ADGRB3: variants seen among roughly 807,000 people sequenced by gnomAD.
The protein encoded by ADGRB3 is brain-specific angiogenesis inhibitor 3.
In ADGRB3, 37 loss-of-function variants were observed where a neutral mutation model predicts 193.4. The observed-to-expected ratio is 0.19, with a 90% CI of 0.15 to 0.25. The LOEUF (loss-of-function observed/expected upper bound fraction) is 0.25, where lower values mean the gene tolerates loss of function less well. Among genes scored for constraint, ADGRB3 ranks in the 10% least tolerant of loss-of-function variants. ADGRB3 has a pLI of 1.00. For missense variants in ADGRB3, 1,637 were observed against 1,852.9 expected (o/e 0.88, Z 2.14); for synonymous variants, 690 against 644.2 (o/e 1.07, Z -1.08).
chr6:69,150,880 G>T (rs995151052), intron 17 of ADGRB3, among the ~76,000 whole-genome samples: 1 of 152,240 alleles, frequency 6.6e-6, no homozygotes, highest in African/African-American at 2.4e-5. Context: ...CTGGCACAGG[G>T]TATGTTTAGA....
chr6:68,998,085 A>G (rs1423188169), intron 11 of ADGRB3, among the ~76,000 whole-genome samples: 2 of 152,204 alleles, frequency 1.3e-5, no homozygotes, highest in Non-Finnish European at 2.9e-5. Flanking sequence ...ACGTTAGTAC[A>G]ATATTCTTCT....
rs149204330 is a variant in ADGRB3, at chr6:69,102,905, T to C, written c.2480+26867T>C. 1.6e-4 allele frequency among the ~76,000 whole-genome samples: 25 copies of C among 152,380 alleles called. 1 individual carries two copies. The highest frequency in any genetic ancestry group is 1.4e-3 in the South Asian group (7 of 4,830). ...CTCATTTTTATGGTTAGAGTTATTCTAATTTTGTTGTAAGAATAGACAACC... is the reference window on the plus strand; with the variant it reads ...CTCATTTTTATGGTTAGAGTTATTCCAATTTTGTTGTAAGAATAGACAACC... On this transcript the variant is annotated intron_variant, in intron 17 of 31. Coordinates refer to ENST00000370598, the MANE Select transcript of ADGRB3 (RefSeq NM_001704.3).
At chr6:68,978,621 T>C (rs575356595) in intron 10 of ADGRB3, among the ~76,000 whole-genome samples, 1 of 151,680 alleles carries the variant, frequency 6.6e-6, no homozygotes, top group Non-Finnish European at 1.5e-5. Flanking sequence ...TCAACATTTC[T>C]GCATAGGCTT....
intron 3 of ADGRB3, among the ~76,000 whole-genome samples, chr6:68,641,711 T>C (rs1039208654): frequency 6.6e-6 from 1 of 152,172 alleles, no homozygotes; most frequent in Non-Finnish European, 1.5e-5. Flanking sequence ...TAAGTAATTC[T>C]TACAAAATAC....
intron 3 of ADGRB3, among the ~76,000 whole-genome samples, chr6:68,814,017 A>T (rs1403245513): frequency 2.0e-5 from 3 of 152,180 alleles, no homozygotes; most frequent in African/African-American, 7.2e-5. Context: ...CAATAAACCT[A>T]CGTGTGCATG....
At chr6:68,786,196 G>A (rs1013003918) in intron 3 of ADGRB3, among the ~76,000 whole-genome samples, 1 of 152,102 alleles carries the variant, frequency 6.6e-6, no homozygotes, top group Non-Finnish European at 1.5e-5. Context: ...TGTTGCCATT[G>A]CTTTTGGTGT....
At chr6:68,840,594 A>G (rs1294948339) in intron 3 of ADGRB3, among the ~76,000 whole-genome samples, 1 of 151,694 alleles carries the variant, frequency 6.6e-6, no homozygotes, top group Non-Finnish European at 1.5e-5. Context: ...GCTTTTGGAA[A>G]TGGGAGGGAA....
At chr6:68,655,107 A>G (rs886512243) in intron 3 of ADGRB3, among the ~76,000 whole-genome samples, 2 of 150,758 alleles carry the variant, frequency 1.3e-5, no homozygotes, top group African/African-American at 4.9e-5. Flanking sequence ...TACATACTAG[A>G]TTCTACACAT....
At chr6:69,222,434 C>A (rs1765915545) in intron 17 of ADGRB3, among the ~76,000 whole-genome samples, 1 of 152,110 alleles carries the variant, frequency 6.6e-6, no homozygotes, top group African/African-American at 2.4e-5. Context: ...ACACTGGATC[C>A]CAGGTTAGGC....
At chr6:69,271,843 C>T (rs1486777450) in intron 20 of ADGRB3, among the ~76,000 whole-genome samples, 2 of 151,832 alleles carry the variant, frequency 1.3e-5, no homozygotes, top group African/African-American at 4.8e-5. Context: ...TTGTTTTTTG[C>T]TTTCTTAAAT....
At chr6:69,188,309 C>T (rs551406925) in intron 17 of ADGRB3, among the ~76,000 whole-genome samples, 203 of 151,798 alleles carry the variant, frequency 1.3e-3, no homozygotes, top group African/African-American at 4.6e-3. Flanking sequence ...CCTGGAATTT[C>T]TTTTTTTTCT....
chr6:68,897,512 G>GGAAGGGAGGGAGGAAGGAAAGAGGAAT (rs1766258889), intron 3 of ADGRB3, among the ~76,000 whole-genome samples: 1 of 110,152 alleles, frequency 9.1e-6, no homozygotes, highest in Admixed American at 8.7e-5. Flanking sequence ...GAGGAAGGAA[G>GGAAGGGAGGGAGGAAGGAAAGAGGAAT]GAAGGGAGGG....
intron 3 of ADGRB3, among the ~76,000 whole-genome samples, chr6:68,876,098 T>G (rs374331572): frequency 6.6e-6 from 1 of 152,172 alleles, no homozygotes; most frequent in East Asian, 1.9e-4. Context: ...TTTAAATACT[T>G]ATTCAATCAA....
At chr6:68,679,206 T>C (rs913454979) in intron 3 of ADGRB3, among the ~76,000 whole-genome samples, 1 of 152,088 alleles carries the variant, frequency 6.6e-6, no homozygotes, top group Non-Finnish European at 1.5e-5. Flanking sequence ...TTGGGTAATG[T>C]TTGCTGCTGT....
chr6:69,164,372 A>C (rs1268192546), intron 17 of ADGRB3, among the ~76,000 whole-genome samples: 3 of 149,670 alleles, frequency 2.0e-5, no homozygotes, highest in Non-Finnish European at 4.5e-5. Flanking sequence ...GTCAAGTTAG[A>C]AAAAAAAAAG....
At chr6:69,325,088 G>A in intron 21 of ADGRB3, 66 bp downstream of exon 21, 1 of 1,518,622 alleles carries the variant, frequency 6.6e-7, no homozygotes, top group Admixed American at 2.0e-5. Flanking sequence ...TTAGAAAGCA[G>A]TCATGAGTGA....
intron 15 of ADGRB3, among the ~76,000 whole-genome samples, chr6:69,054,186 T>C (rs1294043871): frequency 1.3e-5 from 2 of 152,142 alleles, no homozygotes; most frequent in Non-Finnish European, 2.9e-5. Context: ...CCAAAAGTTA[T>C]TACAAAATTA....
intron 3 of ADGRB3, among the ~76,000 whole-genome samples, chr6:68,895,283 A>T (rs556825466): frequency 4.7e-4 from 71 of 151,920 alleles, no homozygotes; most frequent in African/African-American, 1.6e-3. Context: ...TCTTTGAAAC[A>T]AGTCACACTG....
intron 10 of ADGRB3, among the ~76,000 whole-genome samples, chr6:68,983,056 A>G (rs1225594608): frequency 6.6e-6 from 1 of 152,182 alleles, no homozygotes. Context: ...AGTTGCAATG[A>G]CAAAATCATT....
Sources: allele counts gnomAD v4.1 joint callset (sites outside exome capture counted in the v4.1 genomes callset), GRCh38; gene constraint gnomAD v4.1.1; transcripts MANE v1.5; gene names NCBI Gene and HGNC (gene_info 2026-07-23, HGNC 2026-07-21).